Variants in KIAA1755 observed in about 807,000 individuals in gnomAD.
KIAA1755 encodes the protein uncharacterized protein KIAA1755.
Under a neutral mutation model 91.7 loss-of-function variants are expected in KIAA1755, and 68 were observed. The observed-to-expected ratio is 0.74, with a 90% CI of 0.61 to 0.91. KIAA1755 has a LOEUF of 0.91. Among genes scored for constraint, KIAA1755 ranks in the 40% least tolerant of loss-of-function variants. The pLI is 0.00. For missense variants in KIAA1755, 1,535 were observed against 1,494.4 expected (o/e 1.03, Z -0.45); for synonymous variants, 610 against 604.6 (o/e 1.01, Z -0.13).
chr20:38,251,680 T>C (rs6024309), intron 1 of KIAA1755, among the ~76,000 whole-genome samples: 50,847 of 151,396 alleles, frequency 0.34, 9,262 homozygotes, highest in African/African-American at 0.48. Context: ...ATTCTTCTGC[T>C]TCAGCCTCCC....
intron 1 of KIAA1755, among the ~76,000 whole-genome samples, chr20:38,248,024 T>C (rs1424710872): frequency 6.6e-6 from 1 of 152,058 alleles, no homozygotes; most frequent in African/African-American, 2.4e-5. Context: ...GGTCAGGAGT[T>C]CAAGGCCAGC....
chr20:38,240,816 T>G lies in KIAA1755; in HGVS notation c.1315A>C (p.Ile439Leu). The G allele has an allele frequency of 6.2e-7, 1 of 1,613,902 alleles. No individual in the cohort carries two copies. Residue 439 changes from isoleucine (I) to leucine (L), a missense_variant, in exon 3 of 14, where the codon ATA becomes CTA. By Grantham distance (5) the Ile-to-Leu change is conservative. Transcript: ENST00000279024. ...TTTCTCTCTTTGGTCTTCACCTCTA[T>G]CTTTGTTTCAGAGGCTGCAGCTGCA... is the stretch of plus-strand genomic sequence containing the variant. ...SPAAAASETK[I>L]EVKTKERNGR...
chr20:38,244,804 G>A (rs1224715119), intron 2 of KIAA1755, among the ~76,000 whole-genome samples: 1 of 152,156 alleles, frequency 6.6e-6, no homozygotes, highest in South Asian at 2.1e-4. Context: ...TGCCTCCTGG[G>A]TTCAAGCGAT....
At chr20:38,255,422 G>A (rs575262715) in intron 1 of KIAA1755, among the ~76,000 whole-genome samples, 9 of 152,324 alleles carry the variant, frequency 5.9e-5, no homozygotes, top group South Asian at 2.1e-4. Flanking sequence ...CATCAGCTGA[G>A]TGTTGCTTTG....
intron 4 of KIAA1755, among the ~76,000 whole-genome samples, chr20:38,232,286 C>T (rs1308543770): frequency 6.6e-6 from 1 of 152,114 alleles, no homozygotes; most frequent in East Asian, 1.9e-4. Context: ...CCACCTGGAA[C>T]ATTCTTTCAC....
chr20:38,245,982 C>T lies in KIAA1755; in HGVS notation c.148G>A (p.Asp50Asn), dbSNP rs751246689. The change falls in exon 2 of 14, where the codon GAT (aspartate) becomes AAT (asparagine). Residue 50 changes from aspartate to asparagine, a missense_variant. Physicochemically the swap from Asp to Asn is conservative, Grantham distance 23. Transcript: ENST00000279024. ...FQGDGLSFLL[D>N]FLIPAKRLCE... ...AGGCGCTTGGCAGGGATCAGGAAAT[C>T]CAGAAGGAAGCTCAGCCCATCCCCC... The T allele has an allele frequency of 1.2e-6, 2 of 1,614,170 alleles. No individual in the cohort carries two copies. Among genetic ancestry groups the T allele is most frequent in the South Asian group, 1.1e-5 (1 of 91,072 alleles).
chr20:38,223,110 C>G (rs935365197), intron 9 of KIAA1755: 1 of 201,050 alleles, frequency 5.0e-6, no homozygotes, highest in Admixed American at 5.8e-5. Context: ...AGGGCCTTCA[C>G]ATGTGTTTGC....
At chr20:38,250,343 C>T (rs1395800997) in intron 1 of KIAA1755, among the ~76,000 whole-genome samples, 2 of 152,044 alleles carry the variant, frequency 1.3e-5, no homozygotes, top group Non-Finnish European at 2.9e-5. Flanking sequence ...TAATTACACC[C>T]ACCTTAAGGA....
At chr20:38,234,323 T>C (rs1030449031) in intron 4 of KIAA1755, among the ~76,000 whole-genome samples, 4 of 152,164 alleles carry the variant, frequency 2.6e-5, no homozygotes, top group Non-Finnish European at 4.4e-5. Context: ...CACCTCTTCC[T>C]GGAAGACCTC....
chr20:38,250,504 G>GTC lies in KIAA1755; in HGVS notation c.4-4379_4-4378insGA, dbSNP rs1555830378. On this transcript the variant is annotated intron_variant, in intron 1 of 13. Transcript: ENST00000279024. ...ATTATTATGGTGTGTGTGTGTGTGT[G>GTC]TGTGTGTCTGTGTGTGTGTGTGTGT... Among the ~76,000 whole-genome samples, 6 of 143,738 alleles carry GTC rather than the reference G, an allele frequency of 4.2e-5. No individual in the cohort carries two copies. The East Asian group carries it at 6.0e-4, about 14-fold the overall frequency. 94.3% of individuals were successfully genotyped at this position (143,738 alleles called of 152,430 possible).
chr20:38,238,936 T>C (rs1322129136), intron 4 of KIAA1755, among the ~76,000 whole-genome samples: 1 of 152,218 alleles, frequency 6.6e-6, no homozygotes, highest in African/African-American at 2.4e-5. Context: ...AGAAGCACTC[T>C]GGGCTGAACT....
chr20:38,243,342 A>AAGCTG (rs1362993696), intron 2 of KIAA1755, among the ~76,000 whole-genome samples: 8 of 152,180 alleles, frequency 5.3e-5, no homozygotes, highest in Non-Finnish European at 1.2e-4. Context: ...TGCCTCAGAG[A>AAGCTG]AGCTTAATAT....
Position 38,222,559 on chromosome 20 carries a change from C to T in KIAA1755, c.2307G>A (p.Met769Ile). 6.2e-7 allele frequency: 1 copy of T among 1,613,424 alleles called. No homozygotes were observed. The highest frequency in any genetic ancestry group is 1.1e-5 in the South Asian group (1 of 91,088). The stretch of plus-strand genomic sequence containing the variant: ...GGCCGGGGTCCCTCAGCACAGCCTC[C>T]ATCAGCTCCTTGGACTTGCTCAGGC... ...TRCLSKSKEL[M>I]EAVLRDPGLL... is the part of the protein sequence containing the mutation. Residue 769 changes from methionine to isoleucine, a missense_variant, in exon 10 of 14, where the codon ATG becomes ATA. Transcript: ENST00000279024.
chr20:38,255,002 C>T (rs143654252), intron 1 of KIAA1755, among the ~76,000 whole-genome samples: 1 of 152,012 alleles, frequency 6.6e-6, no homozygotes, highest in Non-Finnish European at 1.5e-5. Flanking sequence ...CATAGTGCAA[C>T]CCTGTCTCTA....
At chr20:38,217,497 G>GC in intron 12 of KIAA1755, 23 bp from the exon 13 acceptor site, 1 of 1,546,478 alleles carries the variant, frequency 6.5e-7, no homozygotes, top group Non-Finnish European at 8.8e-7. Context: ...AGGAGGGGGC[G>GC]CCCACTCAGC....
Position 38,239,149 on chromosome 20 carries a change from C to T in KIAA1755, c.1747+379G>A, listed in dbSNP as rs372556146. Among the ~76,000 whole-genome samples the T allele has an allele frequency of 5.3e-5, 8 of 152,364 alleles. No individual in the cohort carries two copies. The South Asian group carries it at 1.7e-3, about 32-fold the overall frequency. Reference sequence around the variant, plus strand: ...CAGTGCTCTCCTTGGGGTCAGCCCACAGCCTTGCTTGGCTCCTTCCCCTGC... The same window carrying T: ...CAGTGCTCTCCTTGGGGTCAGCCCATAGCCTTGCTTGGCTCCTTCCCCTGC... On this transcript the variant is annotated intron_variant, in intron 4 of 13. Transcript: ENST00000279024.
At chr20:38,242,041 G>A (rs2076078792) in intron 2 of KIAA1755, 112 bp from the exon 3 acceptor site, 2 of 1,109,936 alleles carry the variant, frequency 1.8e-6, no homozygotes, top group Non-Finnish European at 2.6e-6. Context: ...GGACTAGGAT[G>A]AGGCAGCATT....
intron 8 of KIAA1755, among the ~76,000 whole-genome samples, chr20:38,224,980 A>G (rs1186238498): frequency 1.3e-5 from 2 of 151,950 alleles, no homozygotes; most frequent in Non-Finnish European, 2.9e-5. Context: ...AGTGCCTGTA[A>G]ATTTATTTTA....
chr20:38,256,650 A>C (rs1302031106), intron 1 of KIAA1755, among the ~76,000 whole-genome samples: 2 of 152,068 alleles, frequency 1.3e-5, no homozygotes, highest in African/African-American at 4.8e-5. Context: ...CAAAAAATAA[A>C]AAGTTAGCTG....
Sources: gnomAD v4.1 joint callset for allele counts (sites outside exome capture counted in the v4.1 genomes callset) on GRCh38, gnomAD v4.1.1 for gene constraint, MANE v1.5 for transcripts, NCBI Gene and HGNC (gene_info 2026-07-23, HGNC 2026-07-21) for gene names.